Variants in CALN1 observed in about 807,000 individuals in gnomAD.
The protein encoded by CALN1 is calneuron 1.
Under a neutral mutation model 30.6 loss-of-function variants are expected in CALN1, and 17 were observed. That is an observed-to-expected ratio of 0.56 (90% confidence interval 0.38 to 0.83). The LOEUF (loss-of-function observed/expected upper bound fraction) is 0.83. Among genes scored for constraint, CALN1 ranks in the 40% least tolerant of loss-of-function variants. CALN1 has a pLI of 0.00. For synonymous variants in CALN1, 156 were observed against 131.4 expected (o/e 1.19, Z -1.28); for missense variants, 291 against 354.9 (o/e 0.82, Z 1.45).
At chr7:72,368,374 C>T (rs1335832353) in intron 2 of CALN1, among the ~76,000 whole-genome samples, 2 of 151,544 alleles carry the variant, frequency 1.3e-5, no homozygotes, top group African/African-American at 4.9e-5. Context: ...ACAGAAAGCA[C>T]ATAAGATGGC....
intron 6 of CALN1, 79 bp from the exon 7 acceptor site, chr7:71,787,981 T>C (rs1322503573): frequency 1.9e-6 from 3 of 1,588,998 alleles, no homozygotes; most frequent in Non-Finnish European, 2.6e-6. Flanking sequence ...CACAGTGAGA[T>C]AGGTTGCAAC....
chr7:72,281,144 A>C (rs191725754), intron 2 of CALN1, among the ~76,000 whole-genome samples: 1 of 152,080 alleles, frequency 6.6e-6, no homozygotes, highest in Non-Finnish European at 1.5e-5. Context: ...CTAAAAAAAA[A>C]AAAAGATGAA....
intron 5 of CALN1, among the ~76,000 whole-genome samples, chr7:71,841,822 C>T (rs1159658052): frequency 1.3e-5 from 2 of 151,772 alleles, no homozygotes; most frequent in Non-Finnish European, 2.9e-5. Context: ...CATAAAAATG[C>T]CAGCAATAAA....
intron 4 of CALN1, among the ~76,000 whole-genome samples, chr7:72,094,096 A>G (rs1431138028): frequency 6.6e-6 from 1 of 152,234 alleles, no homozygotes; most frequent in East Asian, 1.9e-4. Flanking sequence ...CATGGCTAGA[A>G]TCAGATTGGC....
intron 2 of CALN1, among the ~76,000 whole-genome samples, chr7:72,341,830 A>T (rs751916083): frequency 1.8e-4 from 27 of 152,212 alleles, no homozygotes; most frequent in Non-Finnish European, 3.8e-4. Flanking sequence ...GGCATAGAGT[A>T]AGCTTTCAAT....
the CALN1 span, among the ~76,000 whole-genome samples, chr7:72,492,240 A>G: frequency 1.3e-5 from 2 of 152,344 alleles, no homozygotes; most frequent in South Asian, 2.1e-4. Context: ...TAAAACTGAG[A>G]ATGAACTTAA....
intron 3 of CALN1, among the ~76,000 whole-genome samples, chr7:72,208,319 C>G (rs511253): frequency 2.0e-5 from 3 of 152,176 alleles, no homozygotes; most frequent in Admixed American, 6.5e-5. Flanking sequence ...AACCAAGATA[C>G]ACAAATTTTC....
At chr7:71,953,583 G>T (rs762604165) in intron 5 of CALN1, among the ~76,000 whole-genome samples, 8 of 152,086 alleles carry the variant, frequency 5.3e-5, no homozygotes, top group Non-Finnish European at 8.8e-5. Flanking sequence ...GTGCTTTCAC[G>T]CCTATTAACA....
chr7:72,406,321 G>T (rs1412081509), intron 1 of CALN1, among the ~76,000 whole-genome samples: 1 of 152,092 alleles, frequency 6.6e-6, no homozygotes, highest in African/African-American at 2.4e-5. Flanking sequence ...CAATTTAACT[G>T]GAAGCTTCTC....
upstream of CALN1, among the ~76,000 whole-genome samples, chr7:72,449,200 A>G (rs1358351215): frequency 1.3e-5 from 2 of 152,198 alleles, no homozygotes; most frequent in African/African-American, 4.8e-5. Flanking sequence ...AAGGGGATAT[A>G]TGGACTTTTA....
intron 2 of CALN1, among the ~76,000 whole-genome samples, chr7:72,309,688 G>A (rs1799908470): frequency 6.6e-6 from 1 of 152,084 alleles, no homozygotes; most frequent in Non-Finnish European, 1.5e-5. Context: ...CCCCCGCTGT[G>A]CACTGTCGTC....
At chr7:71,973,581 G>A (rs991038452) in intron 5 of CALN1, among the ~76,000 whole-genome samples, 14 of 152,198 alleles carry the variant, frequency 9.2e-5, no homozygotes, top group African/African-American at 3.1e-4. Context: ...ATCTCACCGC[G>A]TGGCAAGAGC....
chr7:72,407,069 G>C (rs901958986), intron 1 of CALN1, among the ~76,000 whole-genome samples: 2 of 152,156 alleles, frequency 1.3e-5, no homozygotes, highest in Non-Finnish European at 2.9e-5. Flanking sequence ...TCTACGCTTT[G>C]AGTACTCTAT....
chr7:72,342,309 G>A (rs570746879), intron 2 of CALN1, among the ~76,000 whole-genome samples: 1 of 151,754 alleles, frequency 6.6e-6, no homozygotes, highest in South Asian at 2.1e-4. Context: ...AAGCTGGATG[G>A]CAGACTTCTG....
intron 3 of CALN1, among the ~76,000 whole-genome samples, chr7:72,218,094 G>A (rs13239873): frequency 1.3e-5 from 2 of 151,094 alleles, no homozygotes; most frequent in Middle Eastern, 3.4e-3. Context: ...CGCCCTCCTC[G>A]GCCTCCCAAA....
intron 2 of CALN1, among the ~76,000 whole-genome samples, chr7:72,382,623 T>A (rs1469975864): frequency 6.6e-6 from 1 of 152,114 alleles, no homozygotes. Flanking sequence ...CCTCCCTTTC[T>A]CCTCTAGTAG....
chr7:71,905,893 A>G (rs1363414592), intron 5 of CALN1, among the ~76,000 whole-genome samples: 1 of 152,200 alleles, frequency 6.6e-6, no homozygotes, highest in Non-Finnish European at 1.5e-5. Flanking sequence ...AGGAGGCCTC[A>G]GGAAACTTAC....
intron 2 of CALN1, among the ~76,000 whole-genome samples, chr7:72,368,070 G>C (rs551242608): frequency 6.6e-6 from 1 of 151,810 alleles, no homozygotes; most frequent in African/African-American, 2.4e-5. Context: ...GCAGTGAGCC[G>C]AGACTGCGCC....
At chr7:72,441,075 T>C (rs1459883870) in intron 1 of CALN1, among the ~76,000 whole-genome samples, 1 of 152,146 alleles carries the variant, frequency 6.6e-6, no homozygotes, top group African/African-American at 2.4e-5. Context: ...TTCTTTCAAG[T>C]AGGGTAAAAT....
Sources: allele counts gnomAD v4.1 joint callset (sites outside exome capture counted in the v4.1 genomes callset), GRCh38; gene constraint gnomAD v4.1.1; transcripts MANE v1.5; gene names NCBI Gene and HGNC (gene_info 2026-07-23, HGNC 2026-07-21).